Variants in HDAC9 observed in about 807,000 individuals in gnomAD.
HDAC9 encodes the protein MEF-2 interacting transcription repressor (MITR) protein.
In HDAC9, 41 loss-of-function variants were observed where a neutral mutation model predicts 139.4. The ratio of observed to expected loss-of-function variants is 0.29; its 90% CI spans 0.23 to 0.38. HDAC9 has a LOEUF of 0.38. Ranked by LOEUF, HDAC9 falls within the 10% of genes least tolerant of loss-of-function variation. The pLI is 1.00. For missense variants in HDAC9, 1,147 were observed against 1,297.0 expected (o/e 0.88, Z 1.78); for synonymous variants, 517 against 476.2 (o/e 1.09, Z -1.12).
chr7:18,983,454 T>C (rs1486098188), intron 25 of HDAC9, among the ~76,000 whole-genome samples: 1 of 152,218 alleles, frequency 6.6e-6, no homozygotes, highest in Non-Finnish European at 1.5e-5. Flanking sequence ...TCAGTTTTTT[T>C]GGATGATATA....
intron 2 of HDAC9, among the ~76,000 whole-genome samples, chr7:18,276,288 A>G (rs1473404556): frequency 6.6e-6 from 1 of 152,194 alleles, no homozygotes; most frequent in Non-Finnish European, 1.5e-5. Flanking sequence ...ATGAAGGAAA[A>G]GGCAAGAAAG....
intron 13 of HDAC9, among the ~76,000 whole-genome samples, chr7:18,728,853 T>C (rs931507408): frequency 8.5e-5 from 13 of 152,226 alleles, no homozygotes; most frequent in African/African-American, 3.1e-4. Flanking sequence ...CTTTAATAAG[T>C]ATGCATAGAA....
At chr7:18,374,047 C>G (rs1247942728) in intron 1 of HDAC9, among the ~76,000 whole-genome samples, 1 of 151,596 alleles carries the variant, frequency 6.6e-6, no homozygotes, top group Non-Finnish European at 1.5e-5. Flanking sequence ...TAAAATGTCA[C>G]TAGTTCCCTC....
At chr7:18,792,659 C>A (rs1585046079) in intron 16 of HDAC9, among the ~76,000 whole-genome samples, 1 of 152,168 alleles carries the variant, frequency 6.6e-6, no homozygotes, top group East Asian at 1.9e-4. Context: ...CCAATTTTAA[C>A]AATACCAGTT....
chr7:18,384,962 T>G (rs1785781256), intron 1 of HDAC9, among the ~76,000 whole-genome samples: 2 of 152,234 alleles, frequency 1.3e-5, no homozygotes, highest in African/African-American at 4.8e-5. Context: ...ACATCACAGT[T>G]GGATGTAAAG....
intron 21 of HDAC9, among the ~76,000 whole-genome samples, chr7:18,859,713 T>G (rs768408163): frequency 1.1e-4 from 17 of 150,582 alleles, no homozygotes; most frequent in Non-Finnish European, 2.4e-4. Context: ...ACAGAACATT[T>G]ACTTACAGTA....
rs185152567 is a variant in HDAC9, at chr7:18,795,716, A to C, written c.2322+2264A>C. 2.0e-4 allele frequency among the ~76,000 whole-genome samples: 31 copies of C among 152,318 alleles called. 1 individual carries two copies. Among genetic ancestry groups the C allele is most frequent in the Admixed American group, 1.3e-3 (20 of 15,294 alleles). On this transcript the variant is annotated intron_variant, in intron 17 of 25. Coordinates refer to ENST00000686413, the MANE Select transcript of HDAC9 (RefSeq NM_178425.4). The stretch of plus-strand genomic sequence containing the variant: ...AGGCTACAGAGATGCCATGGGGGAA[A>C]AGTAGAACTCACAAATGATTTGGAG...
At chr7:18,628,952 T>C (rs1010870821) in intron 6 of HDAC9, among the ~76,000 whole-genome samples, 5 of 152,180 alleles carry the variant, frequency 3.3e-5, no homozygotes, top group Admixed American at 2.6e-4. Context: ...GTTACTCTTT[T>C]AGTGGTTATT....
chr7:18,922,462 AC>A (rs1194689429), intron 22 of HDAC9, among the ~76,000 whole-genome samples: 1 of 152,062 alleles, frequency 6.6e-6, no homozygotes, highest in Non-Finnish European at 1.5e-5. Context: ...TGACCTTCAA[AC>A]CTCAATGCAG....
intron 2 of HDAC9, among the ~76,000 whole-genome samples, chr7:18,500,742 A>G (rs1286820780): frequency 6.6e-6 from 1 of 152,146 alleles, no homozygotes; most frequent in African/African-American, 2.4e-5. Context: ...CTAAACTTAG[A>G]GATTCTGCCA....
At chr7:18,284,728 G>C (rs1312964018) in intron 2 of HDAC9, among the ~76,000 whole-genome samples, 2 of 152,044 alleles carry the variant, frequency 1.3e-5, no homozygotes, top group Admixed American at 1.3e-4. Context: ...AGAACTAAAA[G>C]AGCTCCAGTT....
At chr7:18,992,312 C>T (rs11984041) in intron 25 of HDAC9, among the ~76,000 whole-genome samples, 18,701 of 151,882 alleles carry the variant, frequency 0.12, 1,350 homozygotes, top group African/African-American at 0.2. Context: ...GGAGATGCCA[C>T]GTAGAAGTTA....
chr7:18,852,603 A>G (rs530034974), intron 21 of HDAC9, among the ~76,000 whole-genome samples: 1 of 152,314 alleles, frequency 6.6e-6, no homozygotes, highest in Admixed American at 6.5e-5. Flanking sequence ...ATGCCTTGGT[A>G]CATATAGTCC....
chr7:18,653,486 A>G (rs558914055), intron 11 of HDAC9, among the ~76,000 whole-genome samples: 23 of 152,212 alleles, frequency 1.5e-4, no homozygotes, highest in Admixed American at 7.9e-4. Context: ...CTATCAGCCA[A>G]CACTTTTTTA....
chr7:18,556,447 CA>C (rs1818834224), intron 2 of HDAC9, among the ~76,000 whole-genome samples: 1 of 152,088 alleles, frequency 6.6e-6, no homozygotes, highest in African/African-American at 2.4e-5. Context: ...ACTTTTCTCT[CA>C]CCTTTTGGGC....
intron 2 of HDAC9, among the ~76,000 whole-genome samples, chr7:18,547,993 G>C (rs575445437): frequency 6.6e-6 from 1 of 151,548 alleles, no homozygotes; most frequent in African/African-American, 2.4e-5. Context: ...TGTCTTGGCT[G>C]TCAACATGCC....
intron 16 of HDAC9, among the ~76,000 whole-genome samples, chr7:18,779,490 G>A (rs1234376831): frequency 2.0e-5 from 3 of 152,006 alleles, no homozygotes; most frequent in Admixed American, 2.0e-4. Flanking sequence ...GAGGGCTCTA[G>A]AAGTTTTGAA....
chr7:18,705,722 G>A (rs927967508), intron 12 of HDAC9, among the ~76,000 whole-genome samples: 1 of 151,510 alleles, frequency 6.6e-6, no homozygotes, highest in South Asian at 2.1e-4. Context: ...GTGCAGTGGC[G>A]CGTACCTGTA....
intron 16 of HDAC9, among the ~76,000 whole-genome samples, chr7:18,780,836 C>A (rs1791188073): frequency 6.6e-6 from 1 of 152,008 alleles, no homozygotes; most frequent in Admixed American, 6.6e-5. Context: ...AACCCTATGC[C>A]TAGGACACTT....
Sources: gnomAD v4.1 joint callset for allele counts (sites outside exome capture counted in the v4.1 genomes callset) on GRCh38, gnomAD v4.1.1 for gene constraint, MANE v1.5 for transcripts, NCBI Gene and HGNC (gene_info 2026-07-23, HGNC 2026-07-21) for gene names.